The following HRH1 variants were observed in gnomAD, a reference collection of about 807,000 sequenced individuals.
The protein encoded by HRH1 is histamine H1 receptor.
Under a neutral mutation model 10.3 loss-of-function variants are expected in HRH1, and 6 were observed. The observed-to-expected ratio is 0.58, with a 90% CI of 0.32 to 1.15. The LOEUF is 1.15. Among genes scored for constraint, HRH1 ranks in the 50% most tolerant of loss-of-function variants. The pLI is 0.05. For missense variants in HRH1, 514 were observed against 615.3 expected, an observed-to-expected ratio of 0.84 and a Z score of 1.74; for synonymous variants, 242 against 236.7, an observed-to-expected ratio of 1.02 and a Z score of -0.21.
At chr3:11,208,319 AT>A (rs1278832218) in intron 1 of HRH1, among the ~76,000 whole-genome samples, 1 of 151,944 alleles carries the variant, frequency 6.6e-6, no homozygotes, top group Non-Finnish European at 1.5e-5. Context: ...CGCCCAGCTA[AT>A]TTTTGTATTT....
At chr3:11,240,699 T>C (rs1417802002) in intron 1 of HRH1, among the ~76,000 whole-genome samples, 1 of 152,226 alleles carries the variant, frequency 6.6e-6, no homozygotes, top group East Asian at 1.9e-4. Flanking sequence ...AGGCCCATAA[T>C]GGCATTTTGC....
At chr3:11,142,825 A>G (rs1312598908) in intron 1 of HRH1, among the ~76,000 whole-genome samples, 4 of 152,114 alleles carry the variant, frequency 2.6e-5, no homozygotes, top group African/African-American at 4.8e-5. Flanking sequence ...GAGGCAGGAG[A>G]ATTGCTTGTA....
intron 1 of HRH1, among the ~76,000 whole-genome samples, chr3:11,205,918 C>A (rs1202539676): frequency 6.6e-6 from 1 of 152,078 alleles, no homozygotes; most frequent in East Asian, 1.9e-4. Flanking sequence ...CCGCGGCCTC[C>A]CAAAGTGCTG....
chr3:11,243,370 A>G (rs1047504070), intron 1 of HRH1, among the ~76,000 whole-genome samples: 1 of 152,182 alleles, frequency 6.6e-6, no homozygotes, highest in Non-Finnish European at 1.5e-5. Context: ...CACTTCAGAG[A>G]CAGAAATAGT....
intron 1 of HRH1, among the ~76,000 whole-genome samples, chr3:11,191,192 A>G (rs548930784): frequency 5.2e-4 from 79 of 152,294 alleles, no homozygotes; most frequent in African/African-American, 1.6e-3. Flanking sequence ...GAATGTTGAC[A>G]TGTCGGACTG....
At chr3:11,182,247 G>T (rs1937372177) in intron 1 of HRH1, among the ~76,000 whole-genome samples, 1 of 152,168 alleles carries the variant, frequency 6.6e-6, no homozygotes, top group Non-Finnish European at 1.5e-5. Context: ...CTCCCAAAGT[G>T]CTGGGATTAC....
chr3:11,217,946 C>T (rs1326483068), intron 1 of HRH1, among the ~76,000 whole-genome samples: 1 of 152,088 alleles, frequency 6.6e-6, no homozygotes, highest in Non-Finnish European at 1.5e-5. Flanking sequence ...CAGGACAGAG[C>T]AGTGTGTTGA....
intron 1 of HRH1, among the ~76,000 whole-genome samples, chr3:11,219,386 G>A (rs908871099): frequency 2.6e-5 from 4 of 152,090 alleles, no homozygotes; most frequent in African/African-American, 9.7e-5. Context: ...TGGTTAAAGT[G>A]GTAAGTGTTT....
At chr3:11,211,769 T>C (rs1938334336) in intron 1 of HRH1, among the ~76,000 whole-genome samples, 1 of 152,234 alleles carries the variant, frequency 6.6e-6, no homozygotes, top group African/African-American at 2.4e-5. Context: ...AGCTAAAATG[T>C]GCCTCCCTGT....
intron 1 of HRH1, among the ~76,000 whole-genome samples, chr3:11,189,329 A>G (rs1937504544): frequency 6.6e-6 from 1 of 152,236 alleles, no homozygotes; most frequent in Non-Finnish European, 1.5e-5. Flanking sequence ...CAAGTATTCA[A>G]TCCTTCTCTG....
At chr3:11,181,627 C>CTTT (rs35710248) in intron 1 of HRH1, among the ~76,000 whole-genome samples, 3,750 of 113,122 alleles carry the variant, frequency 0.033, 310 homozygotes, top group African/African-American at 0.11. Context: ...ATCCCTTGCT[C>CTTT]TTTTTTTTTT....
intron 1 of HRH1, among the ~76,000 whole-genome samples, chr3:11,248,409 A>AT: frequency 6.6e-6 from 1 of 152,156 alleles, no homozygotes; most frequent in African/African-American, 2.4e-5. Flanking sequence ...GATAGCATCT[A>AT]TATAAACATG....
chr3:11,165,819 A>G (rs1277176958), intron 1 of HRH1, among the ~76,000 whole-genome samples: 1 of 152,170 alleles, frequency 6.6e-6, no homozygotes, highest in African/African-American at 2.4e-5. Flanking sequence ...AAACACTGCA[A>G]TTTGGAGCTG....
At chr3:11,241,927 A>G (rs1939353697) in intron 1 of HRH1, among the ~76,000 whole-genome samples, 1 of 152,196 alleles carries the variant, frequency 6.6e-6, no homozygotes, top group South Asian at 2.1e-4. Context: ...GCACTCTGCA[A>G]AATGTACCAG....
At chr3:11,245,361 A>C (rs1317147874) in intron 1 of HRH1, among the ~76,000 whole-genome samples, 1 of 152,100 alleles carries the variant, frequency 6.6e-6, no homozygotes, top group South Asian at 2.1e-4. Context: ...TAAAAAAAAA[A>C]AATAGAGAAA....
At chr3:11,162,509 T>G (rs1399711594) in intron 1 of HRH1, among the ~76,000 whole-genome samples, 1 of 114,176 alleles carries the variant, frequency 8.8e-6, no homozygotes, top group East Asian at 3.2e-4. Flanking sequence ...GAGAAAGCAC[T>G]CCAGGGCTTT....
chr3:11,163,590 C>T (rs1258701322), intron 1 of HRH1, among the ~76,000 whole-genome samples: 3 of 152,088 alleles, frequency 2.0e-5, no homozygotes, highest in Non-Finnish European at 4.4e-5. Flanking sequence ...TGATAATAGT[C>T]CTCTCCCCTA....
rs200254475 is a variant in HRH1, at chr3:11,262,503, C to T, written c.*2002C>T. On this transcript the variant is annotated 3_prime_UTR_variant, in exon 2 of 2. Transcript: ENST00000431010. ...CATCCCCCAAACTTCTTGTTCAAAA[C>T]GGGGGGAGTTTAGGAGACTTTAATC... 1.2e-5 allele frequency: 2 copies of T among 167,030 alleles called. No homozygotes were observed. The highest frequency in any genetic ancestry group is 6.6e-5 in the Admixed American group (1 of 15,264). The allele number at this position is 167,030 out of a possible 1,614,324, so 10.3% of individuals were successfully genotyped here. A position where few individuals can be genotyped will look rare whatever the true frequency, so the allele number is the denominator to read the frequency against.
upstream of HRH1, among the ~76,000 whole-genome samples, chr3:11,150,257 C>T (rs542099185): frequency 6.6e-6 from 1 of 152,380 alleles, no homozygotes; most frequent in African/African-American, 2.4e-5. Flanking sequence ...TGAAAATGGT[C>T]CATTTTGATC....
Sources: allele counts gnomAD v4.1 joint callset (sites outside exome capture counted in the v4.1 genomes callset), GRCh38; gene constraint gnomAD v4.1.1; transcripts MANE v1.5; gene names NCBI Gene and HGNC (gene_info 2026-07-23, HGNC 2026-07-21).